Variants in AZIN2 observed in about 807,000 individuals in gnomAD.
AZIN2 encodes antizyme inhibitor 2, also known as ODC antizyme inhibitor-2.
AZIN2 carries 28 observed loss-of-function variants against 47.8 expected under a neutral mutation model. That is an observed-to-expected ratio of 0.59 (90% CI 0.43 to 0.80). The LOEUF is 0.80. Ranked by LOEUF, AZIN2 falls within the 30% of genes least tolerant of loss-of-function variation. The pLI, the probability that AZIN2 is intolerant of heterozygous loss-of-function variation, is 0.00. For synonymous variants in AZIN2, 221 were observed against 239.4 expected, an observed-to-expected ratio of 0.92 and a Z score of 0.71; for missense variants, 535 against 582.5, an observed-to-expected ratio of 0.92 and a Z score of 0.84.
At chr1:33,135,144 G>C in the AZIN2 span, among the ~76,000 whole-genome samples, 1 of 152,116 alleles carries the variant, frequency 6.6e-6, no homozygotes, top group African/African-American at 2.4e-5. Context: ...AAAAAATTTA[G>C]CCGGGCATGG....
the AZIN2 span, chr1:33,146,834 AG>A: frequency 3.0e-6 from 1 of 335,074 alleles, no homozygotes. Context: ...ACACTTCCTG[AG>A]GTCAGGGCTG....
Position 33,094,628 on chromosome 1 carries a change from G to A in AZIN2, c.668G>A (p.Gly223Asp). Residue 223 changes from glycine (G) to aspartate (D), a missense_variant, in exon 8 of 12, where the codon GGC (glycine) becomes GAC (aspartate). This residue lies in a region of AZIN2 where 409 missense variants were observed against 429.0 expected (regional missense o/e 0.95). Coordinates refer to ENST00000294517, the MANE Select transcript of AZIN2 (RefSeq NM_052998.4). ...IADARLVFEM[G>D]TELGHKMHVL... ...GACGCCCGGCTCGTGTTTGAAATGG[G>A]CACCGAGCTGGGTCACAAGATGCAC... 2 of 1,614,162 alleles carry A rather than the reference G, an allele frequency of 1.2e-6. No individual in the cohort carries two copies. The highest frequency in any genetic ancestry group is 1.7e-6 in the Non-Finnish European group (2 of 1,180,022).
chr1:33,160,014 A>G, the AZIN2 span: 1 of 1,560,860 alleles, frequency 6.4e-7, no homozygotes. Flanking sequence ...GAGAGGAGGA[A>G]ATCGAGAGCC....
the AZIN2 span, chr1:33,159,753 C>T: frequency 2.5e-6 from 4 of 1,613,378 alleles, no homozygotes; most frequent in Non-Finnish European, 3.4e-6. This position sits in a 1 kb window ranked among gnomAD's most constrained non-coding sequence, Gnocchi z 4.2. Context: ...GCCGCTCCTG[C>T]AGGATCTGGG....
At chr1:33,114,781 T>G (rs896871085) in intron 10 of AZIN2, among the ~76,000 whole-genome samples, 1 of 150,148 alleles carries the variant, frequency 6.7e-6, no homozygotes, top group Non-Finnish European at 1.5e-5. Flanking sequence ...CTCAGCCTCC[T>G]GAGTAGCTGG....
At chr1:33,119,564 A>C in intron 11 of AZIN2, 1 of 168,514 alleles carries the variant, frequency 5.9e-6, no homozygotes, top group Admixed American at 5.5e-5. Context: ...AGTTTGTGGG[A>C]TTGTTTGAGA....
the AZIN2 span, among the ~76,000 whole-genome samples, chr1:33,153,283 C>G: frequency 1.3e-5 from 2 of 152,214 alleles, no homozygotes. Flanking sequence ...CCCAGCCAAC[C>G]AGGCTGCTGC....
At position 33,122,581 on chromosome 1, in the gene AZIN2, G is replaced by GGGGTCTCCTGGACCCCTGGCTGCAT. The variant is rs1553167584; in HGVS notation, c.*2403_*2427dup. ...AGGCTTGTGCAGGCGAATCTAAGCA[G>GGGGTCTCCTGGACCCCTGGCTGCAT]GGGTCTCCTGGACCCCTGGCTGCAT... On this transcript the variant is annotated 3_prime_UTR_variant, in exon 12 of 12. Coordinates refer to ENST00000294517, the MANE Select transcript of AZIN2 (RefSeq NM_052998.4). Among the ~76,000 whole-genome samples the GGGGTCTCCTGGACCCCTGGCTGCAT allele has an allele frequency of 6.6e-6, 1 of 152,172 alleles. No individual in the cohort carries two copies. The highest frequency in any genetic ancestry group is 2.4e-5 in the African/African-American group (1 of 41,436).
intron 10 of AZIN2, 123 bp from the exon 11 acceptor site, chr1:33,117,779 C>G (rs1644619148): frequency 9.4e-7 from 1 of 1,067,698 alleles, no homozygotes; most frequent in Non-Finnish European, 1.5e-6. Flanking sequence ...AAATGCTAAG[C>G]TAGGAGGCCC....
At chr1:33,165,556 T>G in the AZIN2 span, 1 of 1,608,056 alleles carries the variant, frequency 6.2e-7, no homozygotes, top group Non-Finnish European at 8.5e-7. The surrounding 1 kb of genome is among the most constrained non-coding windows in gnomAD (Gnocchi z 4.0). Context: ...AAGTTGGTCC[T>G]TCAGCTCCCT....
At chr1:33,163,600 C>G in the AZIN2 span, 1 of 152,274 alleles carries the variant, frequency 6.6e-6, no homozygotes, top group Non-Finnish European at 1.5e-5. Context: ...GCCCCCACCC[C>G]AACCCACCAC....
intron 10 of AZIN2, among the ~76,000 whole-genome samples, chr1:33,105,799 C>T (rs887482402): frequency 3.3e-5 from 5 of 152,204 alleles, no homozygotes; most frequent in African/African-American, 1.2e-4. Flanking sequence ...ATGCAAGATA[C>T]GATTTGGTAT....
the AZIN2 span, among the ~76,000 whole-genome samples, chr1:33,160,636 G>C: frequency 0.21 from 31,547 of 151,908 alleles, 3,488 homozygotes; most frequent in South Asian, 0.3. Flanking sequence ...AACACCTGAC[G>C]TTAGGTGATC....
intron 10 of AZIN2, among the ~76,000 whole-genome samples, chr1:33,111,898 C>T (rs997081026): frequency 2.0e-5 from 3 of 151,994 alleles, no homozygotes; most frequent in Non-Finnish European, 2.9e-5. Context: ...CCACGGCGCC[C>T]GGCCTGAAGA....
intron 5 of AZIN2, among the ~76,000 whole-genome samples, chr1:33,084,964 C>G (rs896635487): frequency 6.6e-6 from 1 of 152,130 alleles, no homozygotes; most frequent in Middle Eastern, 3.2e-3. Flanking sequence ...AGCGTGTAGT[C>G]ACTGTGCTAG....
the AZIN2 span, among the ~76,000 whole-genome samples, chr1:33,141,171 C>T: frequency 6.6e-6 from 1 of 152,042 alleles, no homozygotes; most frequent in Non-Finnish European, 1.5e-5. Context: ...TTGCCCCCTC[C>T]TTCTCCTCTC....
chr1:33,101,809 G>T, intron 10 of AZIN2: 1 of 775,212 alleles, frequency 1.3e-6, no homozygotes, highest in South Asian at 1.4e-5. Flanking sequence ...AACCTGTTTG[G>T]GCTTTTTCTC....
chr1:33,117,968 T>C lies in AZIN2; in HGVS notation c.1096T>C (p.Cys366Arg), dbSNP rs1644632670. 2 of 1,613,072 alleles carry C rather than the reference T, an allele frequency of 1.2e-6. No homozygotes were observed. The highest frequency in any genetic ancestry group is 1.7e-6 in the Non-Finnish European group (2 of 1,179,440). ...LWGPAVDGCD[C>R]VAEGLWLPQL... ...GGGCCCGGCGGTTGATGGCTGTGAT[T>C]GCGTGGCTGAGGGCCTGTGGCTGCC... Residue 366 changes from cysteine to arginine, a missense_variant, in exon 11 of 12, where the codon TGC becomes CGC. By Grantham distance (180) the Cys-to-Arg change is radical. This residue lies in a region of AZIN2 where 122 missense variants were observed against 135.8 expected (regional missense o/e 0.90). Coordinates refer to ENST00000294517, the MANE Select transcript of AZIN2 (RefSeq NM_052998.4).
intron 5 of AZIN2, 78 bp from the exon 6 acceptor site, chr1:33,091,972 C>T (rs1642599517): frequency 4.0e-6 from 6 of 1,516,020 alleles, no homozygotes; most frequent in Non-Finnish European, 5.4e-6. Flanking sequence ...TATGACTTTG[C>T]CCTCATCTGT....
Sources: allele counts gnomAD v4.1 joint callset (sites outside exome capture counted in the v4.1 genomes callset), GRCh38; gene constraint gnomAD v4.1.1; regional missense constraint gnomAD v4.1.1; non-coding constraint Gnocchi (gnomAD v3.1); transcripts MANE v1.5; gene names NCBI Gene and HGNC (gene_info 2026-07-23, HGNC 2026-07-21).